The following KCNG3 variants were observed in gnomAD, a reference collection of about 807,000 sequenced individuals.
KCNG3 encodes voltage-gated potassium channel regulatory subunit KCNG3.
KCNG3 carries 15 observed loss-of-function variants against 29.0 expected under a neutral mutation model. That is an observed-to-expected ratio of 0.52 (90% CI 0.35 to 0.80). The LOEUF (loss-of-function observed/expected upper bound fraction) is 0.80. KCNG3 is among the 30% of genes least tolerant of loss of function. The probability of loss-of-function intolerance (pLI) is 0.01; values close to 1 mark genes in which losing one functional copy is unlikely to be tolerated. For missense variants in KCNG3, 512 were observed against 605.7 expected, an observed-to-expected ratio of 0.85 and a Z score of 1.62; for synonymous variants, 322 against 248.9, an observed-to-expected ratio of 1.29 and a Z score of -2.76.
intron 1 of KCNG3, among the ~76,000 whole-genome samples, chr2:42,453,848 G>C (rs1438255094): frequency 6.6e-6 from 1 of 152,104 alleles, no homozygotes; most frequent in Non-Finnish European, 1.5e-5. Context: ...TGAGGTCTTA[G>C]ATTTATGTCA....
At chr2:42,410,623 A>C in the KCNG3 span, among the ~76,000 whole-genome samples, 1 of 152,158 alleles carries the variant, frequency 6.6e-6, no homozygotes, top group Non-Finnish European at 1.5e-5. Flanking sequence ...AACTGTTCAT[A>C]TGCTTTGCTC....
chr2:42,404,559 T>C, the KCNG3 span, among the ~76,000 whole-genome samples: 2 of 152,084 alleles, frequency 1.3e-5, no homozygotes, highest in Non-Finnish European at 2.9e-5. Context: ...CGAAACCCCA[T>C]CTCTACTAAA....
chr2:42,430,720 C>T, the KCNG3 span, among the ~76,000 whole-genome samples: 1 of 152,258 alleles, frequency 6.6e-6, no homozygotes, highest in Middle Eastern at 3.4e-3. Flanking sequence ...TGCTGCTGCA[C>T]TCTAGCCTGG....
chr2:42,458,457 C>A (rs1374273591), intron 1 of KCNG3, among the ~76,000 whole-genome samples: 3 of 152,194 alleles, frequency 2.0e-5, no homozygotes, highest in Non-Finnish European at 2.9e-5. Context: ...GAAACAGGGA[C>A]TGATGACCCC....
chr2:42,492,783 G>A, intron 1 of KCNG3, 54 bp downstream of exon 1: 7 of 1,381,654 alleles, frequency 5.1e-6, no homozygotes, highest in Non-Finnish European at 5.7e-6. Context: ...GTATGGACGG[G>A]ACGGACAGAC....
intron 1 of KCNG3, among the ~76,000 whole-genome samples, chr2:42,467,517 A>C (rs934556897): frequency 1.3e-5 from 2 of 151,690 alleles, no homozygotes; most frequent in African/African-American, 4.8e-5. Flanking sequence ...AAAATACAAA[A>C]ATGAGCCAGG....
the KCNG3 span, among the ~76,000 whole-genome samples, chr2:42,419,355 A>G: frequency 6.8e-6 from 1 of 146,852 alleles, no homozygotes; most frequent in Non-Finnish European, 1.5e-5. Flanking sequence ...CTCCTGCCTC[A>G]GCCTCCCAAG....
intron 1 of KCNG3, among the ~76,000 whole-genome samples, chr2:42,452,220 A>AATATATATATATATATATATAT (rs869226338): frequency 9.6e-5 from 10 of 104,656 alleles, no homozygotes; most frequent in East Asian, 3.6e-4. Flanking sequence ...TGGGGTGGTA[A>AATATATATATATATATATATAT]ATATATATAT....
the KCNG3 span, among the ~76,000 whole-genome samples, chr2:42,390,603 G>A: frequency 6.6e-6 from 1 of 152,148 alleles, no homozygotes; most frequent in Non-Finnish European, 1.5e-5. Context: ...GGGAAACAAG[G>A]CTGCTGTGTT....
At chr2:42,451,594 G>A (rs1452524583) in intron 1 of KCNG3, among the ~76,000 whole-genome samples, 2 of 151,754 alleles carry the variant, frequency 1.3e-5, no homozygotes, top group East Asian at 3.9e-4. Flanking sequence ...GCGTGGTGGT[G>A]CACGCCTGTA....
chr2:42,486,499 C>T (rs1467427227), intron 1 of KCNG3, among the ~76,000 whole-genome samples: 1 of 152,192 alleles, frequency 6.6e-6, no homozygotes, highest in East Asian at 1.9e-4. Context: ...GAAGAAAATC[C>T]AAACTCCTTC....
At chr2:42,441,907 CG>C (rs931091926), downstream of KCNG3, 30 of 151,864 alleles carry the variant, frequency 2.0e-4, no homozygotes, top group African/African-American at 6.8e-4. Flanking sequence ...CAGACACTGT[CG>C]GGGATACAAA....
At chr2:42,439,031 T>C (rs1672422913), downstream of KCNG3, among the ~76,000 whole-genome samples, 1 of 152,200 alleles carries the variant, frequency 6.6e-6, no homozygotes, top group Non-Finnish European at 1.5e-5. Context: ...TTTCTCAGCC[T>C]GGTTCTGAGA....
At chr2:42,397,483 T>C in the KCNG3 span, among the ~76,000 whole-genome samples, 2 of 152,170 alleles carry the variant, frequency 1.3e-5, no homozygotes, top group South Asian at 4.1e-4. Flanking sequence ...CCTATACATA[T>C]GCCTATTATA....
In KCNG3 at chr2:42,444,228, T is replaced by G; in HGVS notation, c.1017A>C (p.Ala339=). ...FICVAMAIFS[A]LSQLLEHGLD... ...GCCCATGTTCAAGAAGCTGAGAAAG[T>G]GCACTAAAGATTGCCATGGCAACAC... The change falls in exon 2 of 2, where the codon GCA becomes GCC. Residue 339 remains alanine, a synonymous_variant. Coordinates refer to ENST00000306078, the MANE Select transcript of KCNG3 (RefSeq NM_133329.6). This position sits in a 1 kb window ranked among gnomAD's most constrained non-coding sequence, Gnocchi z 5.8. The G allele has an allele frequency of 1.2e-6, 2 of 1,614,082 alleles. No individual in the cohort carries two copies. Among genetic ancestry groups the G allele is most frequent in the Non-Finnish European group, 8.5e-7 (1 of 1,180,012 alleles).
At chr2:42,468,379 A>C (rs1460695906) in intron 1 of KCNG3, among the ~76,000 whole-genome samples, 1 of 152,188 alleles carries the variant, frequency 6.6e-6, no homozygotes, top group Non-Finnish European at 1.5e-5. Context: ...CTTAAATTGA[A>C]CCATCATAAA....
Position 42,487,945 on chromosome 2 carries a change from A to G in KCNG3, c.665+4892T>C, listed in dbSNP as rs555551426. Among the ~76,000 whole-genome samples, 6 of 152,326 alleles carry G rather than the reference A, an allele frequency of 3.9e-5. No individual in the cohort carries two copies. The South Asian group carries it at 1.0e-3, about 26-fold the overall frequency. On this transcript the variant is annotated intron_variant, in intron 1 of 1. Transcript: ENST00000306078. ...CTTGGACTCACATGGAATGATCTAC[A>G]TGACACACTGTTAGTTAAAAAGCAA...
the KCNG3 span, among the ~76,000 whole-genome samples, chr2:42,415,930 C>T: frequency 6.6e-6 from 1 of 152,182 alleles, no homozygotes. Flanking sequence ...CGCAGTGGCT[C>T]ATGGCTGTAA....
the KCNG3 span, among the ~76,000 whole-genome samples, chr2:42,436,733 GA>G: frequency 1.3e-5 from 2 of 152,176 alleles, no homozygotes; most frequent in African/African-American, 4.8e-5. Flanking sequence ...CTACCCCTTA[GA>G]AAACTTTTGT....
Sources: allele counts gnomAD v4.1 joint callset (sites outside exome capture counted in the v4.1 genomes callset), GRCh38; gene constraint gnomAD v4.1.1; non-coding constraint Gnocchi (gnomAD v3.1); transcripts MANE v1.5; gene names NCBI Gene and HGNC (gene_info 2026-07-23, HGNC 2026-07-21).